Variants in MTHFD1L observed in about 807,000 individuals in gnomAD.
The protein encoded by MTHFD1L is methylenetetrahydrofolate dehydrogenase (NADP+ dependent) 1 like, also known as monofunctional C1-tetrahydrofolate synthase, mitochondrial.
A neutral mutation model predicts 119.5 loss-of-function variants in MTHFD1L; 81 were observed. The observed-to-expected ratio is 0.68, with a 90% confidence interval of 0.57 to 0.82. The LOEUF (loss-of-function observed/expected upper bound fraction) is 0.82. Among genes scored for constraint, MTHFD1L ranks in the 40% least tolerant of loss-of-function variants. MTHFD1L has a pLI of 0.00. For synonymous variants in MTHFD1L, 430 were observed against 475.2 expected, an observed-to-expected ratio of 0.90 and a Z score of 1.24; for missense variants, 1,125 against 1,253.4, an observed-to-expected ratio of 0.90 and a Z score of 1.55.
At position 151,005,667 on chromosome 6, in the gene MTHFD1L, G is replaced by A. The variant is rs111934268; in HGVS notation, c.2126-4152G>A. ...CGGGTGCCTGTGATCCCAGCTACTC[G>A]GGAGACTGAGGTGGGAGAATCAATT... is the stretch of plus-strand genomic sequence containing the variant. On this transcript the variant is annotated intron_variant, in intron 20 of 27. Transcript: ENST00000367321. Among the ~76,000 whole-genome samples the A allele has an allele frequency of 9.7e-4, 147 of 152,230 alleles. 1 individual carries two copies. Among genetic ancestry groups the A allele is most frequent in the Middle Eastern group, 3.4e-3 (1 of 294 alleles).
chr6:150,949,694 T>C (rs1354145507), intron 16 of MTHFD1L, among the ~76,000 whole-genome samples: 1 of 152,108 alleles, frequency 6.6e-6, no homozygotes, highest in African/African-American at 2.4e-5. Context: ...CTTCCCTGCT[T>C]CCCTCTCAGT....
rs1251496705 is a variant in MTHFD1L, at chr6:150,865,799, C to G, written c.-24C>G. On this transcript the variant is annotated 5_prime_UTR_variant, in exon 1 of 28. Transcript: ENST00000367321. Reference sequence around the variant, plus strand: ...CCTCGGCAGCCGCAGCTCCGTGTCCCCTGAGAACCAGCCGTCCCGCGCCAT... The same window carrying G: ...CCTCGGCAGCCGCAGCTCCGTGTCCGCTGAGAACCAGCCGTCCCGCGCCAT... 3 of 1,293,576 alleles carry G rather than the reference C, an allele frequency of 2.3e-6. No individual in the cohort carries two copies. The highest frequency in any genetic ancestry group is 3.2e-5 in the Admixed American group (1 of 30,898). 80.1% of individuals were successfully genotyped at this position (1,293,576 alleles called of 1,614,324 possible).
At chr6:150,972,192 T>A in intron 20 of MTHFD1L, 134 bp downstream of exon 20, 1 of 752,546 alleles carries the variant, frequency 1.3e-6, no homozygotes, top group East Asian at 2.7e-5. Flanking sequence ...AGGGTCTCAA[T>A]AATGGAAAAG....
intron 8 of MTHFD1L, among the ~76,000 whole-genome samples, chr6:150,908,575 C>T (rs892049910): frequency 2.0e-4 from 29 of 148,618 alleles, no homozygotes; most frequent in African/African-American, 6.9e-4. Context: ...TGCAGTGAGC[C>T]GAGATTGCAC....
chr6:150,881,395 C>A (rs1781372707), intron 4 of MTHFD1L, among the ~76,000 whole-genome samples: 1 of 152,134 alleles, frequency 6.6e-6, no homozygotes, highest in African/African-American at 2.4e-5. Context: ...TATTTTTTGA[C>A]AAGGAATCAT....
At chr6:150,924,593 C>T (rs905556208) in intron 10 of MTHFD1L, among the ~76,000 whole-genome samples, 3 of 152,162 alleles carry the variant, frequency 2.0e-5, no homozygotes, top group African/African-American at 4.8e-5. Flanking sequence ...TGTCCTGCCT[C>T]GGCCTCCCGA....
chr6:151,041,546 T>C (rs1787107795), intron 26 of MTHFD1L, among the ~76,000 whole-genome samples: 1 of 152,180 alleles, frequency 6.6e-6, no homozygotes, highest in Admixed American at 6.5e-5. Context: ...TAGTCCAAAC[T>C]GAGACCTCAG....
At chr6:151,058,500 T>G (rs1373704226) in intron 26 of MTHFD1L, among the ~76,000 whole-genome samples, 2 of 152,198 alleles carry the variant, frequency 1.3e-5, no homozygotes, top group African/African-American at 4.8e-5. Context: ...CCATATACAT[T>G]TGCAGATTTT....
intron 27 of MTHFD1L, among the ~76,000 whole-genome samples, chr6:151,098,751 C>A (rs190168392): frequency 5.8e-4 from 88 of 152,326 alleles, no homozygotes; most frequent in African/African-American, 2.0e-3. Flanking sequence ...TCTGAAATTG[C>A]TTCTTCCAAC....
chr6:150,970,988 G>A (rs551220872), intron 19 of MTHFD1L, among the ~76,000 whole-genome samples: 6 of 152,216 alleles, frequency 3.9e-5, no homozygotes, highest in East Asian at 3.9e-4. Flanking sequence ...TGGCTGCTTC[G>A]TGCTCTCAAC....
At chr6:150,870,693 A>C (rs1779262270) in intron 1 of MTHFD1L, among the ~76,000 whole-genome samples, 1 of 152,058 alleles carries the variant, frequency 6.6e-6, no homozygotes, top group Non-Finnish European at 1.5e-5. Flanking sequence ...TGGGTGGATC[A>C]CGAGGTCAGG....
chr6:151,039,654 C>T lies in MTHFD1L; in HGVS notation c.2847+2537C>T, dbSNP rs1394807542. ...TCAGTCAGCCGGGTGCGGTGGCTCA[C>T]GCCTGTAATCCCAGCACTTTGGGAG... is the stretch of plus-strand genomic sequence containing the variant. On this transcript the variant is annotated intron_variant, in intron 26 of 27. Transcript: ENST00000367321. This position sits in a 1 kb window ranked among gnomAD's most constrained non-coding sequence, Gnocchi z 4.4. Among the ~76,000 whole-genome samples, 14 of 152,150 alleles carry T rather than the reference C, an allele frequency of 9.2e-5. No homozygotes were observed. Among genetic ancestry groups the T allele is most frequent in the Non-Finnish European group, 1.6e-4 (11 of 68,032 alleles).
intron 26 of MTHFD1L, among the ~76,000 whole-genome samples, chr6:151,084,827 C>T (rs906727563): frequency 5.3e-5 from 8 of 151,080 alleles, no homozygotes; most frequent in Admixed American, 1.3e-4. Flanking sequence ...ATTAGCCAGG[C>T]GTGGTGGCGG....
chr6:151,052,960 C>T (rs1013756857), intron 26 of MTHFD1L, among the ~76,000 whole-genome samples: 2 of 152,274 alleles, frequency 1.3e-5, no homozygotes, highest in South Asian at 2.1e-4. Context: ...GCACTGAGAT[C>T]GCCCGTCGTG....
intron 20 of MTHFD1L, among the ~76,000 whole-genome samples, chr6:150,976,593 C>A (rs990603600): frequency 2.6e-5 from 4 of 152,120 alleles, no homozygotes; most frequent in African/African-American, 9.7e-5. Flanking sequence ...TCTTTATGAC[C>A]TCATAATAGG....
intron 6 of MTHFD1L, 25 bp downstream of exon 6, chr6:150,885,759 G>A (rs377531571): frequency 1.6e-5 from 25 of 1,519,736 alleles, no homozygotes; most frequent in Admixed American, 6.7e-5. Context: ...GAGAAATGCC[G>A]CTGATTTCTA....
At chr6:150,978,074 T>C (rs1776875979) in intron 20 of MTHFD1L, among the ~76,000 whole-genome samples, 1 of 152,054 alleles carries the variant, frequency 6.6e-6, no homozygotes, top group Non-Finnish European at 1.5e-5. Flanking sequence ...CTAATTTTTG[T>C]ATTTTCAGTA....
rs566976237 is a variant in MTHFD1L, at chr6:151,045,091, C to T, written c.2847+7974C>T. Among the ~76,000 whole-genome samples the T allele has an allele frequency of 6.6e-5, 10 of 152,202 alleles. No homozygotes were observed. In the East Asian group the frequency reaches 7.7e-4, roughly 12 times the overall value. On this transcript the variant is annotated intron_variant, in intron 26 of 27. Coordinates refer to ENST00000367321, the MANE Select transcript of MTHFD1L (RefSeq NM_015440.5). The stretch of plus-strand genomic sequence containing the variant: ...GGGAGGTGTTTCCTCCCCTTTGTAC[C>T]GGCCCTACTTAGGGATGCACGGTTG...
chr6:150,979,614 CCTT>C (rs1242470292), intron 20 of MTHFD1L, among the ~76,000 whole-genome samples: 1 of 152,088 alleles, frequency 6.6e-6, no homozygotes, highest in Non-Finnish European at 1.5e-5. Flanking sequence ...GATTCTACTG[CCTT>C]AGCCTCCCAA....
Sources: gnomAD v4.1 joint callset for allele counts (sites outside exome capture counted in the v4.1 genomes callset) on GRCh38, gnomAD v4.1.1 for gene constraint, Gnocchi (gnomAD v3.1) non-coding constraint, MANE v1.5 for transcripts, NCBI Gene and HGNC (gene_info 2026-07-23, HGNC 2026-07-21) for gene names.